Variants in SOX5 observed in about 807,000 individuals in gnomAD.
The protein encoded by SOX5 is SRY-box transcription factor 5, also known as transcription factor SOX-5.
Under a neutral mutation model 92.0 loss-of-function variants are expected in SOX5, and 9 were observed. The observed-to-expected ratio is 0.10, with a 90% CI of 0.06 to 0.17. SOX5 has a LOEUF of 0.17. Among genes scored for constraint, SOX5 ranks in the 10% least tolerant of loss-of-function variants. SOX5 has a pLI of 1.00. For synonymous variants in SOX5, 344 were observed against 336.3 expected (o/e 1.02, Z -0.25); for missense variants, 642 against 944.5 (o/e 0.68, Z 4.20).
chr12:24,459,038 C>T (rs1311409016), intron 1 of SOX5, among the ~76,000 whole-genome samples: 1 of 152,156 alleles, frequency 6.6e-6, no homozygotes, highest in Non-Finnish European at 1.5e-5. Flanking sequence ...CACACCTGAT[C>T]CCGACCAAAA....
intron 8 of SOX5, among the ~76,000 whole-genome samples, chr12:23,609,143 G>A (rs2075647923): frequency 1.3e-5 from 2 of 152,158 alleles, no homozygotes; most frequent in South Asian, 4.1e-4. Flanking sequence ...GAATGAGCTA[G>A]TTGCTGCAAG....
intron 6 of SOX5, among the ~76,000 whole-genome samples, chr12:23,727,116 A>AT (rs1307548911): frequency 3.3e-5 from 5 of 152,144 alleles, no homozygotes; most frequent in Admixed American, 6.6e-5. Flanking sequence ...CATTAAATGC[A>AT]TTTTTTAGTG....
At chr12:24,428,839 A>G (rs141536684) in intron 1 of SOX5, among the ~76,000 whole-genome samples, 1 of 151,144 alleles carries the variant, frequency 6.6e-6, no homozygotes, top group African/African-American at 2.4e-5. Flanking sequence ...TCAAGACAGC[A>G]TAGTGAGCCG....
At chr12:24,363,850 C>T (rs1005573628) in intron 2 of SOX5, among the ~76,000 whole-genome samples, 1 of 152,128 alleles carries the variant, frequency 6.6e-6, no homozygotes, top group Non-Finnish European at 1.5e-5. Context: ...AGAGAAATGT[C>T]CATGAAGGTG....
chr12:23,713,450 C>G (rs1417876075), intron 6 of SOX5, among the ~76,000 whole-genome samples: 1 of 151,996 alleles, frequency 6.6e-6, no homozygotes, highest in Admixed American at 6.6e-5. Flanking sequence ...CTTTACTCTC[C>G]CAATATATGG....
chr12:23,740,836 G>A lies in SOX5; in HGVS notation c.741+31C>T, dbSNP rs774229892. The stretch of plus-strand genomic sequence containing the variant: ...AGTAGCAGGCAAAGTAATGTCTGAG[G>A]AATATGACTGCATCGCTAGTTCTTA... On this transcript the variant is annotated intron_variant, in intron 5 of 14. Transcript: ENST00000451604. The A allele has an allele frequency of 4.4e-6, 7 of 1,578,550 alleles. No individual in the cohort carries two copies. In the East Asian group the frequency reaches 6.8e-5, roughly 15 times the overall value.
At chr12:24,162,616 T>A (rs1376168034) in intron 4 of SOX5, among the ~76,000 whole-genome samples, 1 of 152,146 alleles carries the variant, frequency 6.6e-6, no homozygotes, top group Admixed American at 6.6e-5. Flanking sequence ...TACAATTCCA[T>A]CAGGGCAGAG....
chr12:23,994,737 G>A (rs1314484965), intron 4 of SOX5, among the ~76,000 whole-genome samples: 1 of 152,030 alleles, frequency 6.6e-6, no homozygotes, highest in Non-Finnish European at 1.5e-5. Context: ...TTTCCTGATA[G>A]GCTAATATAT....
Position 24,004,001 on chromosome 12 carries a change from C to T in SOX5, c.-1-107977G>A, listed in dbSNP as rs535532875. ...ATCCTACCATCAACCCTTACATTTACAGTCAATTGATTTATTTTTGCACTA... is the reference window on the plus strand; with the variant it reads ...ATCCTACCATCAACCCTTACATTTATAGTCAATTGATTTATTTTTGCACTA... On this transcript the variant is annotated intron_variant, in intron 4 of 4. Coordinates refer to the SOX5 transcript ENST00000446891. Among the ~76,000 whole-genome samples, 9 of 152,138 alleles carry T rather than the reference C, an allele frequency of 5.9e-5. No homozygotes were observed. The South Asian group carries it at 1.2e-3, about 21-fold the overall frequency.
At position 24,445,942 on chromosome 12, in the gene SOX5, A is replaced by G. The variant is rs533576957; in HGVS notation, c.-250-77303T>C. On this transcript the variant is annotated intron_variant, in intron 1 of 4. Transcript: ENST00000446891. Reference sequence around the variant, plus strand: ...ATCTGAAGGATAATTGTACTATACAATCCTGTAAAAGACAATAGCATGAAA... The same window carrying G: ...ATCTGAAGGATAATTGTACTATACAGTCCTGTAAAAGACAATAGCATGAAA... 5.9e-5 allele frequency among the ~76,000 whole-genome samples: 9 copies of G among 152,320 alleles called. No homozygotes were observed. In the East Asian group the frequency reaches 1.7e-3, roughly 29 times the overall value.
intron 4 of SOX5, among the ~76,000 whole-genome samples, chr12:24,099,124 T>C (rs1945774126): frequency 6.6e-6 from 1 of 152,164 alleles, no homozygotes; most frequent in African/African-American, 2.4e-5. Context: ...TCCACAATCA[T>C]AACCCTGATG....
intron 2 of SOX5, among the ~76,000 whole-genome samples, chr12:24,315,894 T>C (rs1949654301): frequency 1.3e-5 from 2 of 152,206 alleles, no homozygotes; most frequent in African/African-American, 4.8e-5. Context: ...CAAATATCTG[T>C]TCAACTAACT....
chr12:23,727,079 T>C (rs1004855965), intron 6 of SOX5, among the ~76,000 whole-genome samples: 2 of 152,072 alleles, frequency 1.3e-5, no homozygotes, highest in African/African-American at 4.8e-5. Context: ...AGATTCCAGA[T>C]AAAAAGCAAA....
chr12:24,403,006 T>C (rs1226696032), intron 1 of SOX5, among the ~76,000 whole-genome samples: 1 of 152,178 alleles, frequency 6.6e-6, no homozygotes, highest in Non-Finnish European at 1.5e-5. Context: ...TTCTTGCCAA[T>C]AGGATAACAG....
intron 2 of SOX5, among the ~76,000 whole-genome samples, chr12:24,317,975 C>T (rs1949854559): frequency 1.3e-5 from 2 of 152,156 alleles, no homozygotes; most frequent in Admixed American, 6.5e-5. Context: ...CTTTGGGAGG[C>T]TGAGGTGGGC....
chr12:24,501,493 T>TA (rs770632835), intron 1 of SOX5, among the ~76,000 whole-genome samples: 2 of 151,914 alleles, frequency 1.3e-5, no homozygotes, highest in African/African-American at 2.4e-5. Context: ...TGCTTTTGTT[T>TA]AAAAAAAAGT....
intron 3 of SOX5, among the ~76,000 whole-genome samples, chr12:23,788,545 C>T (rs1318601730): frequency 2.6e-5 from 4 of 151,684 alleles, no homozygotes; most frequent in Non-Finnish European, 4.4e-5. Context: ...TTAATAAAAG[C>T]AATTGTATAA....
intron 1 of SOX5, among the ~76,000 whole-genome samples, chr12:23,926,322 G>A (rs545113830): frequency 1.8e-4 from 27 of 152,092 alleles, no homozygotes; most frequent in African/African-American, 5.8e-4. Flanking sequence ...TTTACTGGAC[G>A]TCTCAGAGTC....
intron 4 of SOX5, among the ~76,000 whole-genome samples, chr12:24,019,847 T>C (rs1372810734): frequency 6.6e-6 from 1 of 152,198 alleles, no homozygotes; most frequent in Admixed American, 6.5e-5. Flanking sequence ...CTGTAAATTA[T>C]ATTTCCCTCT....
Sources: gnomAD v4.1 joint callset for allele counts (sites outside exome capture counted in the v4.1 genomes callset) on GRCh38, gnomAD v4.1.1 for gene constraint, MANE v1.5 for transcripts, NCBI Gene and HGNC (gene_info 2026-07-23, HGNC 2026-07-21) for gene names.